Variants in TMEM196 observed in about 807,000 individuals in gnomAD.
The protein encoded by TMEM196 is transmembrane protein 196.
TMEM196 carries 17 observed loss-of-function variants against 20.0 expected under a neutral mutation model. That is an observed-to-expected ratio of 0.85 (90% CI 0.58 to 1.27). TMEM196 has a LOEUF of 1.27. Among genes scored for constraint, TMEM196 ranks in the 50% most tolerant of loss-of-function variants. The pLI is 0.00. For synonymous variants in TMEM196, 113 were observed against 88.9 expected (o/e 1.27, Z -1.52); for missense variants, 267 against 223.0 (o/e 1.20, Z -1.26).
intron 1 of TMEM196, among the ~76,000 whole-genome samples, chr7:19,732,026 C>A (rs530221811): frequency 6.6e-6 from 1 of 152,024 alleles, no homozygotes; most frequent in Non-Finnish European, 1.5e-5. Context: ...ATTTAGCCAC[C>A]ACAGTTTATA....
At chr7:19,759,641 C>A (rs565794205) in intron 1 of TMEM196, among the ~76,000 whole-genome samples, 1 of 151,986 alleles carries the variant, frequency 6.6e-6, no homozygotes, top group African/African-American at 2.4e-5. Context: ...CACACATGCA[C>A]GCACACACAC....
chr7:19,763,860 G>A (rs973115767), intron 1 of TMEM196, among the ~76,000 whole-genome samples: 1 of 152,136 alleles, frequency 6.6e-6, no homozygotes, highest in Non-Finnish European at 1.5e-5. Context: ...ATAAGTGATA[G>A]TATTTCTGTT....
At chr7:19,740,964 A>G (rs1209639338) in intron 1 of TMEM196, among the ~76,000 whole-genome samples, 2 of 152,180 alleles carry the variant, frequency 1.3e-5, no homozygotes, top group African/African-American at 2.4e-5. Context: ...TGCAGCCTCC[A>G]CCTTCAATAA....
chr7:19,720,082 T>G lies in TMEM196; in HGVS notation c.*2046A>C, dbSNP rs985988772. 6.6e-6 allele frequency: 1 copy of G among 152,102 alleles called. No individual in the cohort carries two copies. Among genetic ancestry groups the G allele is most frequent in the South Asian group, 2.1e-4 (1 of 4,824 alleles). The allele number at this position is 152,102 out of a possible 1,614,324, so 9.4% of individuals were successfully genotyped here. ...TTCAGGAGGACCATACACACACAAA[T>G]ATCTTCATGATGTAATTTAGATTTT... On this transcript the variant is annotated 3_prime_UTR_variant, in exon 5 of 5. Transcript: ENST00000405844.
chr7:19,732,887 C>G (rs954544756), intron 1 of TMEM196, among the ~76,000 whole-genome samples: 1 of 152,172 alleles, frequency 6.6e-6, no homozygotes, highest in African/African-American at 2.4e-5. Flanking sequence ...ATGCAAAGCA[C>G]TTACCCACAT....
chr7:19,724,207 C>T (rs1783908908), intron 4 of TMEM196, 73 bp downstream of exon 4: 2 of 1,333,556 alleles, frequency 1.5e-6, no homozygotes, highest in African/African-American at 1.5e-5. Flanking sequence ...CTGTTGACAT[C>T]ATGGCTTTCT....
In TMEM196 at chr7:19,766,557, T is replaced by A. The variant is rs188570572; in HGVS notation, c.147+5993A>T. Among the ~76,000 whole-genome samples the A allele has an allele frequency of 4.6e-5, 7 of 151,120 alleles. 1 individual carries two copies. The highest frequency in any genetic ancestry group is 1.7e-4 in the African/African-American group (7 of 41,316). On this transcript the variant is annotated intron_variant, in intron 1 of 4. Transcript: ENST00000405844. ...AATATATAGGATCATATATATTACA[T>A]ATGATAAATATAGGATCATATACAC...
At chr7:19,771,477 A>C (rs569213998) in intron 1 of TMEM196, among the ~76,000 whole-genome samples, 2 of 152,292 alleles carry the variant, frequency 1.3e-5, no homozygotes, top group East Asian at 3.9e-4. Context: ...CTTTTGAATA[A>C]TTTTTCTTGA....
chr7:19,760,803 A>G (rs1361143612), intron 1 of TMEM196, among the ~76,000 whole-genome samples: 1 of 152,218 alleles, frequency 6.6e-6, no homozygotes, highest in East Asian at 1.9e-4. Context: ...GGACAAAATC[A>G]CAACATAAAA....
intron 1 of TMEM196, among the ~76,000 whole-genome samples, chr7:19,760,496 G>T (rs56127587): frequency 0.026 from 3,934 of 151,212 alleles, 85 homozygotes; most frequent in South Asian, 0.066. Context: ...AAGTAGCCGG[G>T]ATTACAGACA....
chr7:19,763,946 G>A (rs1257039356), intron 1 of TMEM196, among the ~76,000 whole-genome samples: 1 of 152,102 alleles, frequency 6.6e-6, no homozygotes, highest in Non-Finnish European at 1.5e-5. Flanking sequence ...AGTGCTAGAG[G>A]TAGAATACGA....
At chr7:19,733,388 A>G (rs1784281043) in intron 1 of TMEM196, among the ~76,000 whole-genome samples, 1 of 152,216 alleles carries the variant, frequency 6.6e-6, no homozygotes, top group Non-Finnish European at 1.5e-5. Flanking sequence ...TTCCAAGACA[A>G]TGAGATAACT....
chr7:19,726,647 T>G (rs1467067032), intron 2 of TMEM196, among the ~76,000 whole-genome samples: 1 of 152,118 alleles, frequency 6.6e-6, no homozygotes, highest in East Asian at 1.9e-4. Context: ...GGGGGTTTAA[T>G]CAACAACTAT....
intron 1 of TMEM196, among the ~76,000 whole-genome samples, chr7:19,770,116 TC>T (rs34001880): frequency 6.6e-6 from 1 of 152,168 alleles, no homozygotes; most frequent in African/African-American, 2.4e-5. Flanking sequence ...CTGATAAACT[TC>T]CAAGATCAAG....
intron 1 of TMEM196, among the ~76,000 whole-genome samples, chr7:19,750,555 T>A (rs575213816): frequency 1.3e-5 from 2 of 152,176 alleles, no homozygotes; most frequent in African/African-American, 4.8e-5. Context: ...TGCTCTGGGG[T>A]TGTAAATACT....
At position 19,745,672 on chromosome 7, in the gene TMEM196, C is replaced by T. The variant is rs776714800; in HGVS notation, c.148-16234G>A. Reference sequence around the variant, plus strand: ...GAAGTACAAGAGGAAAATTAAAGCACGAATCTTCTTCCTGGTGCATAATTC... The same window carrying T: ...GAAGTACAAGAGGAAAATTAAAGCATGAATCTTCTTCCTGGTGCATAATTC... On this transcript the variant is annotated intron_variant, in intron 1 of 4. Coordinates refer to ENST00000405844, the MANE Select transcript of TMEM196 (RefSeq NM_001363562.2). Among the ~76,000 whole-genome samples the T allele has an allele frequency of 7.4e-4, 111 of 149,092 alleles. 1 individual carries two copies. Among genetic ancestry groups the T allele is most frequent in the Non-Finnish European group, 6.5e-4 (44 of 67,462 alleles).
chr7:19,722,100 T>A lies in TMEM196; in HGVS notation c.*28A>T, dbSNP rs761542307. The A allele has an allele frequency of 2.5e-6, 4 of 1,610,618 alleles. No homozygotes were observed. The highest frequency in any genetic ancestry group is 3.4e-6 in the Non-Finnish European group (4 of 1,178,426). The stretch of plus-strand genomic sequence containing the variant: ...TTACACTCTTCCATTAAATATCAGC[T>A]GTGGTCCTCCATTGCTCATGTTGTC... On this transcript the variant is annotated 3_prime_UTR_variant, in exon 5 of 5. Transcript: ENST00000405844.
chr7:19,736,306 T>C (rs569767519), intron 1 of TMEM196, among the ~76,000 whole-genome samples: 2 of 124,618 alleles, frequency 1.6e-5, no homozygotes, highest in East Asian at 5.6e-4. Context: ...GCCTCCTTTG[T>C]TATGTGCTTC....
chr7:19,720,528 A>T lies in TMEM196; in HGVS notation c.*1600T>A, dbSNP rs1262834382. The T allele has an allele frequency of 6.6e-6, 1 of 152,016 alleles. No individual in the cohort carries two copies. The highest frequency in any genetic ancestry group is 1.5e-5 in the Non-Finnish European group (1 of 67,870). The allele number at this position is 152,016 out of a possible 1,614,324, so 9.4% of individuals were successfully genotyped here. A position where few individuals can be genotyped will look rare whatever the true frequency, so the allele number is the denominator to read the frequency against. On this transcript the variant is annotated 3_prime_UTR_variant, in exon 5 of 5. Transcript: ENST00000405844. Reference sequence around the variant, plus strand: ...AAATTGATTAGATTTGAGGAAAAAGAAAAGTATACAATATAGTGAGAGTTA... The same window carrying T: ...AAATTGATTAGATTTGAGGAAAAAGTAAAGTATACAATATAGTGAGAGTTA...
Sources: gnomAD v4.1 joint callset for allele counts (sites outside exome capture counted in the v4.1 genomes callset) on GRCh38, gnomAD v4.1.1 for gene constraint, MANE v1.5 for transcripts, NCBI Gene and HGNC (gene_info 2026-07-23, HGNC 2026-07-21) for gene names.